KIAA1958: variants seen among roughly 807,000 people sequenced by gnomAD.
The protein encoded by KIAA1958 is KIAA1958, also known as uncharacterized protein KIAA1958.
Under a neutral mutation model 47.2 loss-of-function variants are expected in KIAA1958, and 14 were observed. The observed-to-expected ratio is 0.30, with a 90% CI of 0.20 to 0.46. KIAA1958 has a LOEUF of 0.46. Among genes scored for constraint, KIAA1958 ranks in the 20% least tolerant of loss-of-function variants. The pLI is 1.00. For synonymous variants in KIAA1958, 354 were observed against 353.3 expected (o/e 1.00, Z -0.02); for missense variants, 803 against 909.2 (o/e 0.88, Z 1.50).
chr9:112,543,023 C>T (rs1307849224), intron 1 of KIAA1958, among the ~76,000 whole-genome samples: 6 of 152,170 alleles, frequency 3.9e-5, no homozygotes, highest in African/African-American at 1.4e-4. Flanking sequence ...GGGAGTTCCT[C>T]ACTTCATTTT....
At chr9:112,611,022 A>AT (rs981821367) in intron 2 of KIAA1958, among the ~76,000 whole-genome samples, 25 of 152,288 alleles carry the variant, frequency 1.6e-4, no homozygotes, top group African/African-American at 5.3e-4. Flanking sequence ...TTTAACATGA[A>AT]TTTTTTAAGA....
rs918917201 is a variant in KIAA1958, at chr9:112,563,644, C to CA, written c.-24-10412dup. On this transcript the variant is annotated intron_variant, in intron 1 of 3. Transcript: ENST00000337530. ...GAATTCTCGGTGATTTCTGCATAAA[C>CA]AGCCATGTTATTTACATATATTATA... 2.0e-4 allele frequency among the ~76,000 whole-genome samples: 31 copies of CA among 152,056 alleles called. 1 individual carries two copies. Among genetic ancestry groups the CA allele is most frequent in the Admixed American group, 1.9e-3 (29 of 15,280 alleles).
At chr9:112,602,817 C>G (rs955247981) in intron 2 of KIAA1958, among the ~76,000 whole-genome samples, 1 of 152,154 alleles carries the variant, frequency 6.6e-6, no homozygotes, top group African/African-American at 2.4e-5. Context: ...TTATGGAATT[C>G]TCACTGTGAG....
At chr9:112,581,168 C>G (rs761064084) in intron 2 of KIAA1958, among the ~76,000 whole-genome samples, 1 of 152,188 alleles carries the variant, frequency 6.6e-6, no homozygotes, top group Non-Finnish European at 1.5e-5. Flanking sequence ...CATTTCACTT[C>G]TCTGAAACTC....
chr9:112,562,178 C>A (rs1020362352), intron 1 of KIAA1958, among the ~76,000 whole-genome samples: 1 of 152,116 alleles, frequency 6.6e-6, no homozygotes, highest in Non-Finnish European at 1.5e-5. Context: ...GGTAGACCAC[C>A]AAAATGGGGG....
intron 1 of KIAA1958, among the ~76,000 whole-genome samples, chr9:112,567,361 C>T (rs1435337059): frequency 6.6e-6 from 1 of 152,186 alleles, no homozygotes; most frequent in Non-Finnish European, 1.5e-5. Context: ...TCAAGGGCGT[C>T]ACCAGGGAAC....
chr9:112,529,383 C>A (rs551994012), intron 1 of KIAA1958, among the ~76,000 whole-genome samples: 1 of 152,220 alleles, frequency 6.6e-6, no homozygotes, highest in East Asian at 1.9e-4. Context: ...ATTTGAATTT[C>A]CTTAGTTTTT....
intron 3 of KIAA1958, among the ~76,000 whole-genome samples, chr9:112,657,652 A>G (rs777018639): frequency 6.6e-6 from 1 of 152,126 alleles, no homozygotes; most frequent in Non-Finnish European, 1.5e-5. Flanking sequence ...TGTCTACTTG[A>G]TAAAAAAAAA....
At chr9:112,645,389 G>A (rs1836958579) in intron 2 of KIAA1958, among the ~76,000 whole-genome samples, 1 of 152,154 alleles carries the variant, frequency 6.6e-6, no homozygotes, top group Non-Finnish European at 1.5e-5. Flanking sequence ...TGGAATGCCT[G>A]CATTAGTACA....
rs780092148 is a variant in KIAA1958, at chr9:112,574,940, T to C, written c.860T>C (p.Val287Ala). 1 of 1,613,952 alleles carries C rather than the reference T, an allele frequency of 6.2e-7. No homozygotes were observed. Among genetic ancestry groups the C allele is most frequent in the Non-Finnish European group, 8.5e-7 (1 of 1,179,972 alleles). The change falls in exon 2 of 4, where the codon GTA becomes GCA. Residue 287 changes from valine to alanine, a missense_variant. By Grantham distance (64) the Val-to-Ala change is moderately conservative (BLOSUM62 0). Around this residue, in one of 2 missense-constraint regions of KIAA1958, gnomAD observed 761 missense variants for 829.3 expected, o/e 0.92. Transcript: ENST00000337530. ...CCAATTGTCCAGAAGACTGCTAGGG[T>C]ATCTCTGGCTTCACCAAACAGAGGA... ...SRPIVQKTARVSLASPNRGPP... is the reference protein window; with the variant it reads ...SRPIVQKTARASLASPNRGPP...
At chr9:112,569,745 C>G (rs1014967386) in intron 1 of KIAA1958, among the ~76,000 whole-genome samples, 1 of 151,950 alleles carries the variant, frequency 6.6e-6, no homozygotes. Context: ...CTCAGCCTCC[C>G]GAGTAGCTGG....
chr9:112,588,717 CCCAAGCTGGTTT>C (rs1835870714), intron 2 of KIAA1958, among the ~76,000 whole-genome samples: 1 of 152,092 alleles, frequency 6.6e-6, no homozygotes, highest in African/African-American at 2.4e-5. Context: ...CCATGAGATT[CCCAAGCTGGTTT>C]CCTGCTACAG....
intron 1 of KIAA1958, among the ~76,000 whole-genome samples, chr9:112,545,968 G>A (rs2132830176): frequency 6.6e-6 from 1 of 151,592 alleles, no homozygotes; most frequent in South Asian, 2.1e-4. Context: ...TGATCTTAAG[G>A]CATTTTAGAG....
intron 2 of KIAA1958, among the ~76,000 whole-genome samples, chr9:112,643,261 T>A (rs1588051817): frequency 6.6e-6 from 1 of 152,334 alleles, no homozygotes; most frequent in South Asian, 2.1e-4. Context: ...TTCCACTTAT[T>A]AACTCCATAA....
At chr9:112,490,521 CA>C (rs1833950616) in intron 1 of KIAA1958, among the ~76,000 whole-genome samples, 1 of 152,202 alleles carries the variant, frequency 6.6e-6, no homozygotes, top group Non-Finnish European at 1.5e-5. Context: ...TCCTAGGTAA[CA>C]AATGCACTGC....
intron 2 of KIAA1958, among the ~76,000 whole-genome samples, chr9:112,619,514 A>G (rs922551253): frequency 6.6e-5 from 10 of 152,148 alleles, no homozygotes; most frequent in African/African-American, 2.4e-4. Context: ...ATTTTTTACA[A>G]TGTATGAGAA....
intron 1 of KIAA1958, among the ~76,000 whole-genome samples, chr9:112,529,992 C>T (rs547105205): frequency 2.1e-3 from 315 of 152,194 alleles, no homozygotes; most frequent in Admixed American, 5.4e-3. Context: ...TATAGGCGCC[C>T]GCCACCACGC....
In KIAA1958 at chr9:112,618,858, C is replaced by T. The variant is rs969691261; in HGVS notation, c.1172-26792C>T. The T allele has an allele frequency of 5.2e-6, 8 of 1,549,338 alleles. No homozygotes were observed. Among genetic ancestry groups the T allele is most frequent in the Non-Finnish European group, 7.0e-6 (8 of 1,145,894 alleles). ...GCTGCCCAGTCAGTGGCCGGCCACT[C>T]CAACAATGGCAATTTCATCGTCTCC... On this transcript the variant is annotated intron_variant, in intron 2 of 3. Coordinates refer to ENST00000337530, the MANE Select transcript of KIAA1958 (RefSeq NM_133465.4). This position sits in a 1 kb window ranked among gnomAD's most constrained non-coding sequence, Gnocchi z 7.1.
rs1227556543 is a variant in KIAA1958 at position 112,558,758 on chromosome 9, G to A, written c.-24-15299G>A. 6.6e-5 allele frequency among the ~76,000 whole-genome samples: 10 copies of A among 152,150 alleles called. No homozygotes were observed. In the South Asian group the frequency reaches 8.3e-4, roughly 13 times the overall value. On this transcript the variant is annotated intron_variant, in intron 1 of 3. Transcript: ENST00000337530. ...ACCTAAAAATAAGAGTCAGAATGGA[G>A]GGGCTATTAAAATGATATACACCGT...
Sources: allele counts gnomAD v4.1 joint callset (sites outside exome capture counted in the v4.1 genomes callset), GRCh38; gene constraint gnomAD v4.1.1; regional missense constraint gnomAD v4.1.1; non-coding constraint Gnocchi (gnomAD v3.1); transcripts MANE v1.5; gene names NCBI Gene and HGNC (gene_info 2026-07-23, HGNC 2026-07-21).